Variants in CACHD1 observed in about 807,000 individuals in gnomAD.
CACHD1 encodes cache domain containing 1, also known as VWFA and cache domain-containing protein 1.
Under a neutral mutation model 138.7 loss-of-function variants are expected in CACHD1, and 71 were observed. The ratio of observed to expected loss-of-function variants is 0.51; its 90% CI spans 0.42 to 0.62. The LOEUF is 0.62. CACHD1 is among the 20% of genes least tolerant of loss of function. CACHD1 has a pLI of 0.00. For missense variants in CACHD1, 1,389 were observed against 1,625.3 expected, an observed-to-expected ratio of 0.85 and a Z score of 2.50; for synonymous variants, 578 against 591.5, an observed-to-expected ratio of 0.98 and a Z score of 0.33.
At chr1:64,557,357 A>C (rs1427552925) in intron 2 of CACHD1, among the ~76,000 whole-genome samples, 1 of 152,230 alleles carries the variant, frequency 6.6e-6, no homozygotes, top group East Asian at 1.9e-4. Context: ...TTTTTCTCAA[A>C]TGCTCTAGTA....
chr1:64,522,150 A>G (rs1389111098), intron 1 of CACHD1, among the ~76,000 whole-genome samples: 1 of 152,108 alleles, frequency 6.6e-6, no homozygotes, highest in African/African-American at 2.4e-5. Context: ...TAAGGGTCCA[A>G]CTTTATTCTT....
intron 21 of CACHD1, among the ~76,000 whole-genome samples, chr1:64,676,484 G>A (rs1649994989): frequency 6.6e-6 from 1 of 152,052 alleles, no homozygotes; most frequent in African/African-American, 2.4e-5. Flanking sequence ...ATAATTGTTT[G>A]TTGAGACATG....
intron 3 of CACHD1, among the ~76,000 whole-genome samples, chr1:64,597,524 GTTTTTTTTTTTTTTT>G (rs34162933): frequency 1.2e-5 from 1 of 80,400 alleles, no homozygotes; most frequent in Non-Finnish European, 2.4e-5. Flanking sequence ...TTTTTTTGTT[GTTTTTTTTTTTTTTT>G]TTTTTTTTTT....
intron 4 of CACHD1, among the ~76,000 whole-genome samples, chr1:64,617,074 T>C (rs1647734385): frequency 6.6e-6 from 1 of 151,254 alleles, no homozygotes; most frequent in African/African-American, 2.4e-5. Context: ...AAATGGAGAT[T>C]AATGTCTCAG....
At chr1:64,654,510 C>T (rs1266686482) in intron 11 of CACHD1, among the ~76,000 whole-genome samples, 176 bp from the exon 12 acceptor site, 1 of 152,162 alleles carries the variant, frequency 6.6e-6, no homozygotes, top group Non-Finnish European at 1.5e-5. Context: ...TAATGCAGAG[C>T]TGACATAATG....
At chr1:64,535,525 A>G (rs1646625682) in intron 1 of CACHD1, among the ~76,000 whole-genome samples, 1 of 151,934 alleles carries the variant, frequency 6.6e-6, no homozygotes, top group African/African-American at 2.4e-5. Context: ...GAGTTTCACC[A>G]TGTTGGCCAG....
At chr1:64,566,024 T>C (rs1646877980) in intron 2 of CACHD1, among the ~76,000 whole-genome samples, 1 of 152,226 alleles carries the variant, frequency 6.6e-6, no homozygotes, top group Non-Finnish European at 1.5e-5. Flanking sequence ...CCTTACATCC[T>C]TTTATTCTTG....
chr1:64,656,068 A>G (rs1202125877), intron 12 of CACHD1, among the ~76,000 whole-genome samples: 1 of 152,228 alleles, frequency 6.6e-6, no homozygotes, highest in African/African-American at 2.4e-5. Context: ...TATCAGTTGG[A>G]TCAGGAAAGA....
chr1:64,529,156 G>T (rs1646562776), intron 1 of CACHD1, among the ~76,000 whole-genome samples: 1 of 151,996 alleles, frequency 6.6e-6, no homozygotes, highest in Non-Finnish European at 1.5e-5. Flanking sequence ...AGTTTTTCTT[G>T]AAACTCCTTT....
intron 1 of CACHD1, among the ~76,000 whole-genome samples, chr1:64,501,681 AC>A (rs1646341229): frequency 6.6e-6 from 1 of 152,172 alleles, no homozygotes; most frequent in Non-Finnish European, 1.5e-5. Context: ...TAATACAAAC[AC>A]CTTGAAATAC....
chr1:64,485,585 T>C (rs895786692), intron 1 of CACHD1, among the ~76,000 whole-genome samples: 3 of 152,054 alleles, frequency 2.0e-5, no homozygotes, highest in Non-Finnish European at 4.4e-5. Context: ...TAGTTTTTTG[T>C]TTTGTTTTGT....
intron 3 of CACHD1, among the ~76,000 whole-genome samples, chr1:64,597,243 T>C (rs1332558484): frequency 6.6e-6 from 1 of 152,144 alleles, no homozygotes; most frequent in Non-Finnish European, 1.5e-5. Flanking sequence ...CTTCTGCAAA[T>C]TTATTTTATC....
chr1:64,685,502 A>G (rs754089138), intron 26 of CACHD1, among the ~76,000 whole-genome samples: 54 of 152,248 alleles, frequency 3.5e-4, no homozygotes, highest in Admixed American at 2.1e-3. Context: ...GTGTAGAGGA[A>G]GAGCTTAGGA....
intron 9 of CACHD1, among the ~76,000 whole-genome samples, chr1:64,650,252 C>A (rs1203689907): frequency 6.6e-6 from 1 of 152,040 alleles, no homozygotes; most frequent in African/African-American, 2.4e-5. Context: ...AAATTTGAAG[C>A]GAGCAGGCAT....
At chr1:64,481,258 G>T (rs1557456691) in intron 1 of CACHD1, among the ~76,000 whole-genome samples, 1 of 152,106 alleles carries the variant, frequency 6.6e-6, no homozygotes, top group Non-Finnish European at 1.5e-5. Flanking sequence ...TTATAAAGAT[G>T]CAGTCAAAGC....
chr1:64,673,288 C>T (rs1649879076), intron 18 of CACHD1, 31 bp downstream of exon 18: 14 of 1,612,076 alleles, frequency 8.7e-6, no homozygotes, highest in Non-Finnish European at 1.2e-5. Flanking sequence ...CTGCTCAGTT[C>T]TCCAACCTCC....
intron 26 of CACHD1, among the ~76,000 whole-genome samples, chr1:64,689,942 G>C (rs1282480463): frequency 1.3e-5 from 2 of 152,212 alleles, no homozygotes; most frequent in African/African-American, 4.8e-5. Context: ...AGGAGGCTTT[G>C]TTTTGTGAGC....
At chr1:64,641,696 G>T in intron 7 of CACHD1, 124 bp from the exon 8 acceptor site, 1 of 626,600 alleles carries the variant, frequency 1.6e-6, no homozygotes, top group Non-Finnish European at 2.7e-6. Context: ...AAACAGGAGG[G>T]ACTAGGAACC....
At chr1:64,482,892 C>T (rs1228018220) in intron 1 of CACHD1, among the ~76,000 whole-genome samples, 1 of 152,200 alleles carries the variant, frequency 6.6e-6, no homozygotes, top group Non-Finnish European at 1.5e-5. Context: ...AGAACACAGA[C>T]TTACTCATCT....
Sources: allele counts gnomAD v4.1 joint callset (sites outside exome capture counted in the v4.1 genomes callset), GRCh38; gene constraint gnomAD v4.1.1; transcripts MANE v1.5; gene names NCBI Gene and HGNC (gene_info 2026-07-23, HGNC 2026-07-21).